EIF2A: variants seen among roughly 807,000 people sequenced by gnomAD.
EIF2A encodes 65 kDa eukaryotic translation initiation factor 2A.
EIF2A carries 62 observed loss-of-function variants against 75.2 expected under a neutral mutation model. The ratio of observed to expected loss-of-function variants is 0.82; its 90% CI spans 0.67 to 1.02. The LOEUF (loss-of-function observed/expected upper bound fraction) is 1.02, where lower values mean the gene tolerates loss of function less well. Ranked by LOEUF, EIF2A falls within the 50% of genes least tolerant of loss-of-function variation. The pLI is 0.00. For synonymous variants in EIF2A, 207 were observed against 239.0 expected, an observed-to-expected ratio of 0.87 and a Z score of 1.23; for missense variants, 611 against 677.7, an observed-to-expected ratio of 0.90 and a Z score of 1.09.
In EIF2A at chr3:150,583,233, G is replaced by A. The variant is rs769465004; in HGVS notation, c.1660G>A (p.Ala554Thr). 4 of 1,612,744 alleles carry A rather than the reference G, an allele frequency of 2.5e-6. No individual in the cohort carries two copies. The East Asian group carries it at 8.9e-5, about 36-fold the overall frequency. The change falls in exon 13 of 14, where the codon GCA (alanine) becomes ACA (threonine). Residue 554 changes from alanine to threonine, a missense_variant. Transcript: ENST00000460851. ...AGCAATCGAACAACTGAAAGAACAA[G>A]CAGCAACTGGAAAACAGCTAGAAAA... ...LKAIEQLKEQ[A>T]ATGKQLEKNQ...
intron 4 of EIF2A, among the ~76,000 whole-genome samples, 153 bp from the exon 5 acceptor site, chr3:150,563,362 C>CATTT (rs996235395): frequency 2.4e-4 from 37 of 152,118 alleles, no homozygotes; most frequent in African/African-American, 7.0e-4. Flanking sequence ...TGTAACCTTT[C>CATTT]ATTTATTTAT....
intron 11 of EIF2A, among the ~76,000 whole-genome samples, chr3:150,579,216 C>A (rs968579238): frequency 1.3e-5 from 2 of 152,140 alleles, no homozygotes; most frequent in Non-Finnish European, 2.9e-5. Flanking sequence ...AATATCCCCT[C>A]TTCTTTTATT....
intron 2 of EIF2A, among the ~76,000 whole-genome samples, chr3:150,553,191 G>A (rs1362576054): frequency 2.0e-5 from 3 of 151,814 alleles, no homozygotes; most frequent in East Asian, 3.9e-4. Flanking sequence ...GGGGGCAGGC[G>A]CCTGTAATCC....
chr3:150,564,386 G>A lies in EIF2A; in HGVS notation c.475+5G>A, dbSNP rs1030768092. Reference sequence around the variant, plus strand: ...TCTTTGAAAACAACAATTTTAGTATGGAAAGATTTATGACATAATTTTATT... The same window carrying A: ...TCTTTGAAAACAACAATTTTAGTATAGAAAGATTTATGACATAATTTTATT... On this transcript the variant is annotated splice_donor_5th_base_variant and intron_variant, in intron 6 of 13. Coordinates refer to ENST00000460851, the MANE Select transcript of EIF2A (RefSeq NM_032025.5). 1 of 1,575,456 alleles carries A rather than the reference G, an allele frequency of 6.3e-7. No individual in the cohort carries two copies. The highest frequency in any genetic ancestry group is 8.6e-7 in the Non-Finnish European group (1 of 1,163,146).
intron 10 of EIF2A, among the ~76,000 whole-genome samples, chr3:150,575,266 G>A (rs909120710): frequency 1.3e-5 from 2 of 152,106 alleles, no homozygotes; most frequent in African/African-American, 4.8e-5. Context: ...TTCTTTGTGT[G>A]AAGAAAACAA....
chr3:150,559,355 A>G (rs1723730318), intron 3 of EIF2A, among the ~76,000 whole-genome samples: 1 of 151,998 alleles, frequency 6.6e-6, no homozygotes, highest in Admixed American at 6.6e-5. Context: ...TTGGTCTTTT[A>G]TTCTTTTTCT....
intron 2 of EIF2A, among the ~76,000 whole-genome samples, chr3:150,557,159 A>C (rs978476375): frequency 2.6e-4 from 39 of 152,188 alleles, no homozygotes; most frequent in Admixed American, 7.9e-4. Flanking sequence ...ATAGCCTAGT[A>C]ACAGTTTTAT....
chr3:150,565,111 C>T lies in EIF2A; in HGVS notation c.475+730C>T, dbSNP rs1307974325. The T allele has an allele frequency of 5.0e-5, 22 of 443,812 alleles. 1 individual carries two copies. The highest frequency in any genetic ancestry group is 2.6e-4 in the South Asian group (16 of 61,844). The allele number at this position is 443,812 out of a possible 1,614,324, so 27.5% of individuals were successfully genotyped here. A position where few individuals can be genotyped will look rare whatever the true frequency, so the allele number is the denominator to read the frequency against. On this transcript the variant is annotated intron_variant, in intron 6 of 13. Transcript: ENST00000460851. The stretch of plus-strand genomic sequence containing the variant: ...AAGAAACAAGGTTATTTGTCTTTCA[C>T]GTTTTCCCATAGTTTGAATTTTGCT...
chr3:150,560,673 G>T (rs1183540134), intron 3 of EIF2A, among the ~76,000 whole-genome samples: 1 of 148,392 alleles, frequency 6.7e-6, no homozygotes, highest in Non-Finnish European at 1.5e-5. Flanking sequence ...AACCTGAGTA[G>T]AACAAAGTTA....
intron 10 of EIF2A, among the ~76,000 whole-genome samples, chr3:150,572,778 C>T (rs1164476177): frequency 6.6e-6 from 1 of 151,798 alleles, no homozygotes; most frequent in Non-Finnish European, 1.5e-5. Context: ...CTCACTTGAA[C>T]CCGGGAGGTG....
At chr3:150,562,483 T>G in intron 3 of EIF2A, 59 bp from the exon 4 acceptor site, 1 of 1,283,586 alleles carries the variant, frequency 7.8e-7, no homozygotes, top group Non-Finnish European at 1.1e-6. Context: ...AATGTTTTGG[T>G]TAGTGTTGAC....
chr3:150,583,522 C>A (rs1725307225), intron 13 of EIF2A, among the ~76,000 whole-genome samples: 1 of 152,118 alleles, frequency 6.6e-6, no homozygotes, highest in South Asian at 2.1e-4. Context: ...AAAATAATAG[C>A]AATTTGTTAT....
At chr3:150,555,493 G>A (rs1434025233) in intron 2 of EIF2A, among the ~76,000 whole-genome samples, 2 of 146,586 alleles carry the variant, frequency 1.4e-5, no homozygotes, top group South Asian at 4.4e-4. Flanking sequence ...TCTGACCTCA[G>A]GTGATTCACC....
At chr3:150,557,530 A>G in intron 2 of EIF2A, 1 of 219,690 alleles carries the variant, frequency 4.6e-6, no homozygotes, top group South Asian at 4.2e-5. Flanking sequence ...CGTCCTGAGT[A>G]GCTGGGACTA....
chr3:150,558,620 G>T, intron 3 of EIF2A, 158 bp downstream of exon 3: 1 of 524,572 alleles, frequency 1.9e-6, no homozygotes, highest in Non-Finnish European at 3.1e-6. Context: ...TACCTTCAAA[G>T]TTGTTCATTT....
intron 1 of EIF2A, chr3:150,547,078 G>A (rs1723072800): frequency 1.8e-6 from 1 of 562,954 alleles, no homozygotes; most frequent in African/African-American, 1.9e-5. Flanking sequence ...ATCTTCTACA[G>A]AAATAGAAGA....
intron 11 of EIF2A, among the ~76,000 whole-genome samples, chr3:150,578,337 A>G (rs1380050103): frequency 6.7e-6 from 1 of 148,548 alleles, no homozygotes; most frequent in Non-Finnish European, 1.5e-5. Flanking sequence ...TAATTGTATT[A>G]ATTATATAAA....
At chr3:150,570,140 C>G (rs1440709743) in intron 9 of EIF2A, among the ~76,000 whole-genome samples, 3 of 151,602 alleles carry the variant, frequency 2.0e-5, no homozygotes, top group African/African-American at 7.3e-5. Flanking sequence ...TTTTTCTAAT[C>G]TTAAGAGTAG....
chr3:150,564,834 T>C (rs1724083084), intron 6 of EIF2A: 3 of 188,490 alleles, frequency 1.6e-5, no homozygotes, highest in Admixed American at 1.1e-4. Flanking sequence ...AAATATGTAA[T>C]TGTAAATATT....
Sources: allele counts gnomAD v4.1 joint callset (sites outside exome capture counted in the v4.1 genomes callset), GRCh38; gene constraint gnomAD v4.1.1; transcripts MANE v1.5; gene names NCBI Gene and HGNC (gene_info 2026-07-23, HGNC 2026-07-21).